The following WDR47 variants were observed in gnomAD, a reference collection of about 807,000 sequenced individuals.
The protein encoded by WDR47 is WD repeat-containing protein 47.
In WDR47, 32 loss-of-function variants were observed where a neutral mutation model predicts 97.2. The ratio of observed to expected loss-of-function variants is 0.33; its 90% CI spans 0.25 to 0.44. The LOEUF is 0.44. Ranked by LOEUF, WDR47 falls within the 20% of genes least tolerant of loss-of-function variation. The pLI is 1.00. For missense variants in WDR47, 782 were observed against 1,102.3 expected, an observed-to-expected ratio of 0.71 and a Z score of 4.11; for synonymous variants, 375 against 373.5, an observed-to-expected ratio of 1.00 and a Z score of -0.05.
At chr1:109,008,065 G>A (rs1660755562) in intron 5 of WDR47, among the ~76,000 whole-genome samples, 1 of 151,400 alleles carries the variant, frequency 6.6e-6, no homozygotes. Context: ...TCACGCCACT[G>A]CACTCTAGCC....
intron 10 of WDR47, among the ~76,000 whole-genome samples, chr1:108,984,399 T>G (rs192862556): frequency 1.2e-4 from 18 of 152,326 alleles, no homozygotes; most frequent in African/African-American, 4.3e-4. Context: ...AAATGACATA[T>G]CTAAGATTTA....
intron 9 of WDR47, among the ~76,000 whole-genome samples, chr1:108,988,853 G>C (rs1431744551): frequency 1.3e-5 from 2 of 151,966 alleles, no homozygotes; most frequent in Non-Finnish European, 2.9e-5. Context: ...TGCCTCCCAA[G>C]TTCAAGCGAT....
intron 8 of WDR47, among the ~76,000 whole-genome samples, chr1:108,991,926 T>C (rs956168689): frequency 3.9e-5 from 6 of 152,082 alleles, no homozygotes; most frequent in Admixed American, 1.3e-4. Flanking sequence ...ACCTCCCAGA[T>C]TGCTGGGATT....
chr1:109,027,757 C>T (rs112237821), intron 1 of WDR47, among the ~76,000 whole-genome samples: 3,974 of 151,248 alleles, frequency 0.026, 65 homozygotes, highest in Non-Finnish European at 0.041. Flanking sequence ...CTCCTGACCT[C>T]GTGATCCACC....
intron 1 of WDR47, among the ~76,000 whole-genome samples, chr1:109,038,063 G>A (rs1431877645): frequency 6.6e-6 from 1 of 151,802 alleles, no homozygotes; most frequent in African/African-American, 2.4e-5. Flanking sequence ...GGTCTCAAAC[G>A]TCTGGGCTCA....
intron 8 of WDR47, among the ~76,000 whole-genome samples, chr1:108,994,138 C>T (rs1257901473): frequency 2.0e-5 from 3 of 152,150 alleles, no homozygotes; most frequent in Non-Finnish European, 4.4e-5. Flanking sequence ...TGGCTCATGC[C>T]TGTAACTCCA....
intron 7 of WDR47, among the ~76,000 whole-genome samples, chr1:108,996,888 T>C (rs150308385): frequency 1.3e-3 from 192 of 151,730 alleles, no homozygotes; most frequent in African/African-American, 4.5e-3. Context: ...GAGGCTGAGG[T>C]GGGCGGATCA....
intron 4 of WDR47, 22 bp downstream of exon 4, chr1:109,013,819 C>A (rs1424980795): frequency 6.2e-7 from 1 of 1,611,840 alleles, no homozygotes. Flanking sequence ...AGGGCGCAAA[C>A]CTTCAGGAAT....
chr1:108,973,444 T>C (rs1391937223), intron 14 of WDR47, among the ~76,000 whole-genome samples: 2 of 152,226 alleles, frequency 1.3e-5, no homozygotes, highest in Admixed American at 1.3e-4. Flanking sequence ...ACTGTCTTAT[T>C]CTCATCTGTC....
intron 9 of WDR47, among the ~76,000 whole-genome samples, chr1:108,991,005 T>G (rs1198167823): frequency 6.6e-6 from 1 of 151,828 alleles, no homozygotes; most frequent in African/African-American, 2.4e-5. Flanking sequence ...TTTTTTGTTT[T>G]TTTTTTTTTA....
intron 9 of WDR47, among the ~76,000 whole-genome samples, chr1:108,990,419 G>C (rs1659236263): frequency 6.6e-6 from 1 of 151,910 alleles, no homozygotes; most frequent in South Asian, 2.1e-4. Flanking sequence ...ATGTTGGCCA[G>C]GTTGGTCTTG....
intron 11 of WDR47, 59 bp from the exon 12 acceptor site, chr1:108,982,838 G>A: frequency 6.5e-7 from 1 of 1,530,294 alleles, no homozygotes; most frequent in Non-Finnish European, 8.8e-7. Context: ...GTGATAACTT[G>A]AGATTGCTAA....
At chr1:109,014,271 G>T (rs377513541) in intron 3 of WDR47, among the ~76,000 whole-genome samples, 1 of 151,774 alleles carries the variant, frequency 6.6e-6, no homozygotes, top group African/African-American at 2.4e-5. Context: ...TATTTATGGG[G>T]TATGTTACAT....
intron 8 of WDR47, among the ~76,000 whole-genome samples, chr1:108,991,955 AC>A (rs1190639606): frequency 6.6e-6 from 1 of 151,914 alleles, no homozygotes; most frequent in Admixed American, 6.6e-5. Flanking sequence ...GAGTCACCAC[AC>A]CCAGCCAGCT....
rs143672897 is a variant in WDR47, at chr1:109,022,666, C to A, written c.158+689G>T. On this transcript the variant is annotated intron_variant, in intron 2 of 14. Transcript: ENST00000369962. ...ACGGTGCGATCTCAGCTCACTGGAA[C>A]CTCCGTCTCCCTGGTTCAAATGATT... is the stretch of plus-strand genomic sequence containing the variant. 2.6e-3 allele frequency among the ~76,000 whole-genome samples: 389 copies of A among 152,204 alleles called. 3 individuals carry two copies. Among genetic ancestry groups the A allele is most frequent in the Non-Finnish European group, 5.0e-3 (341 of 68,006 alleles).
intron 8 of WDR47, among the ~76,000 whole-genome samples, chr1:108,991,799 C>T (rs954467083): frequency 6.6e-6 from 1 of 152,036 alleles, no homozygotes; most frequent in African/African-American, 2.4e-5. Flanking sequence ...GTAGCCCTTC[C>T]TTCCAATCAG....
intron 10 of WDR47, among the ~76,000 whole-genome samples, chr1:108,984,185 G>A (rs1043146230): frequency 6.6e-6 from 1 of 152,078 alleles, no homozygotes; most frequent in Non-Finnish European, 1.5e-5. Context: ...AGCTGTGGAG[G>A]GTTCTAAATG....
Position 109,023,490 on chromosome 1 carries a change from T to A in WDR47, c.23A>T (p.Asn8Ile). 1 of 1,613,302 alleles carries A rather than the reference T, an allele frequency of 6.2e-7. No homozygotes were observed. Among genetic ancestry groups the A allele is most frequent in the Non-Finnish European group, 8.5e-7 (1 of 1,179,514 alleles). ...CTTAATGATTTCAACCTCTTTTACA[T>A]TCACTGTTTCTTCAGCCGTCATATT... MTAEETV[N>I]VKEVEIIKLI... Residue 8 changes from asparagine to isoleucine, a missense_variant, in exon 2 of 15, where the codon AAT becomes ATT. This residue lies in a region of WDR47 where 428 missense variants were observed against 584.3 expected (regional missense o/e 0.73). Coordinates refer to ENST00000369962, the MANE Select transcript of WDR47 (RefSeq NM_001142551.2).
chr1:109,000,508 CAAAAAA>C (rs71069634), intron 7 of WDR47, among the ~76,000 whole-genome samples: 1 of 70,510 alleles, frequency 1.4e-5, no homozygotes, highest in Non-Finnish European at 2.4e-5. Flanking sequence ...GACTCTGTCT[CAAAAAA>C]AAAAAAAAAA....
Sources: gnomAD v4.1 joint callset for allele counts (sites outside exome capture counted in the v4.1 genomes callset) on GRCh38, gnomAD v4.1.1 for gene constraint, gnomAD v4.1.1 regional missense constraint, MANE v1.5 for transcripts, NCBI Gene and HGNC (gene_info 2026-07-23, HGNC 2026-07-21) for gene names.